Variants in KRTAP10-2 observed in about 807,000 individuals in gnomAD.
KRTAP10-2 encodes keratin-associated protein 10-2.
For missense variants in KRTAP10-2, 295 were observed against 319.5 expected, an observed-to-expected ratio of 0.92 and a Z score of 0.58; for synonymous variants, 134 against 135.5, an observed-to-expected ratio of 0.99 and a Z score of 0.08.
rs782378471 is a variant in KRTAP10-2 at position 44,551,375 on chromosome 21, C to G, written c.84G>C (p.Glu28Asp). The change falls in exon 1 of 1, where the codon GAG becomes GAC. Residue 28 changes from glutamate (E) to aspartate (D), a missense_variant. Transcript: ENST00000391621. ...AGCAGCTGGGGGTGCCGCAGGGGAG[C>G]TCACAGCAGCTCTCTGGGCAGTCGT... is the stretch of plus-strand genomic sequence containing the variant. Reference protein sequence around the residue: ...QVDDCPESCCELPCGTPSCCA... With the variant: ...QVDDCPESCCDLPCGTPSCCA... 5.0e-6 allele frequency: 8 copies of G among 1,613,192 alleles called. No individual in the cohort carries two copies. The highest frequency in any genetic ancestry group is 6.8e-6 in the Non-Finnish European group (8 of 1,179,930).
In KRTAP10-2 at chr21:44,550,747, C is replaced by T. The variant is rs372190068; in HGVS notation, c.712G>A (p.Val238Met). ...CTGCAGGAGGCTGGGCGGGAGCACA[C>T]GGGGCGGCAGAGGAGGGACACAGAG... ...SSSVSLLCRPVCSRPASCSFS... is the reference protein window; with the variant it reads ...SSSVSLLCRPMCSRPASCSFS... The change falls in exon 1 of 1, where the codon GTG (valine) becomes ATG (methionine). Residue 238 changes from valine (V) to methionine (M), a missense_variant. Transcript: ENST00000391621. The T allele has an allele frequency of 3.0e-5, 48 of 1,613,994 alleles. No homozygotes were observed. The highest frequency in any genetic ancestry group is 3.3e-5 in the Non-Finnish European group (39 of 1,180,022).
chr21:44,551,213 C>T lies in KRTAP10-2; in HGVS notation c.246G>A (p.Gln82=). 1 of 1,589,260 alleles carries T rather than the reference C, an allele frequency of 6.3e-7. No homozygotes were observed. Residue 82 remains glutamine, a synonymous_variant, in exon 1 of 1, where the codon CAG becomes CAA. Coordinates refer to ENST00000391621, the MANE Select transcript of KRTAP10-2 (RefSeq NM_198693.4). ...TSSCTPSCCQ[Q]SSCQPACCTS... ...TGCAGCAAGCCGGCTGGCAGCTAGACTGCTGGCAGCACGAGGGCGTGCAGG... is the reference window on the plus strand; with the variant it reads ...TGCAGCAAGCCGGCTGGCAGCTAGATTGCTGGCAGCACGAGGGCGTGCAGG...
chr21:44,551,186 G>A lies in KRTAP10-2; in HGVS notation c.273C>T (p.Thr91=), dbSNP rs781847897. 1.3e-6 allele frequency: 2 copies of A among 1,596,068 alleles called. No homozygotes were observed. Among genetic ancestry groups the A allele is most frequent in the African/African-American group, 1.3e-5 (1 of 74,214 alleles). ...QQSSCQPACC[T]SSPCQQACCV... ...AGCAGGCCTGCTGGCAGGGGGAGGA[G>A]GTGCAGCAAGCCGGCTGGCAGCTAG... The change falls in exon 1 of 1, where the codon ACC becomes ACT. Residue 91 remains threonine (T), a synonymous_variant. Coordinates refer to ENST00000391621, the MANE Select transcript of KRTAP10-2 (RefSeq NM_198693.4).
rs782246773 is a variant in KRTAP10-2, at chr21:44,550,728, G to C, written c.731C>G (p.Ser244Cys). 10 of 1,613,996 alleles carry C rather than the reference G, an allele frequency of 6.2e-6. No individual in the cohort carries two copies. The highest frequency in any genetic ancestry group is 1.7e-6 in the Non-Finnish European group (2 of 1,180,034). Reference sequence around the variant, plus strand: ...CTTTTGGCCTGAGGAAAAGCTGCAGGAGGCTGGGCGGGAGCACACGGGGCG... The same window carrying C: ...CTTTTGGCCTGAGGAAAAGCTGCAGCAGGCTGGGCGGGAGCACACGGGGCG... ...LCRPVCSRPA[S>C]CSFSSGQKSS... Residue 244 changes from serine to cysteine, a missense_variant, in exon 1 of 1, where the codon TCC becomes TGC. Coordinates refer to ENST00000391621, the MANE Select transcript of KRTAP10-2 (RefSeq NM_198693.4).
Position 44,550,901 on chromosome 21 carries a change from G to C in KRTAP10-2, c.558C>G (p.Val186=). ...SPCQQSCCVS[V]CCKPVCCKSI... ...ACTTGCAGCAGACAGGCTTGCAGCA[G>C]ACGGACACACAGCAGGACTGCTGAC... The change falls in exon 1 of 1, where the codon GTC becomes GTG. Residue 186 remains valine (V), a synonymous_variant. Transcript: ENST00000391621. The C allele has an allele frequency of 1.4e-6, 2 of 1,468,892 alleles. No individual in the cohort carries two copies. The highest frequency in any genetic ancestry group is 1.8e-6 in the Non-Finnish European group (2 of 1,086,972). 91.0% of individuals were successfully genotyped at this position (1,468,892 alleles called of 1,614,324 possible). A position where few individuals can be genotyped will look rare whatever the true frequency, so the allele number is the denominator to read the frequency against.
In KRTAP10-2 at chr21:44,551,316, G is replaced by C; in HGVS notation, c.143C>G (p.Thr48Ser). 1 of 1,613,330 alleles carries C rather than the reference G, an allele frequency of 6.2e-7. No homozygotes were observed. The highest frequency in any genetic ancestry group is 1.8e-4 in the Middle Eastern group (1 of 5,512). ...GGGGCTGGACACACAGCTCACTGGG[G>C]TGCAGACCAGGGTCAGGCAGGGGGC... is the stretch of plus-strand genomic sequence containing the variant. ...APAPCLTLVC[T>S]PVSCVSSPCC... The change falls in exon 1 of 1, where the codon ACC (threonine) becomes AGC (serine). Residue 48 changes from threonine (T) to serine (S), a missense_variant. Transcript: ENST00000391621.
chr21:44,550,877 C>T lies in KRTAP10-2; in HGVS notation c.582G>A (p.Lys194=), dbSNP rs782755548. The part of the protein sequence containing the change: ...VSVCCKPVCC[K]SICCVPVCSG... ...AGCAAACAGGTACACAGCAGATGGACTTGCAGCAGACAGGCTTGCAGCAGA... is the reference window on the plus strand; with the variant it reads ...AGCAAACAGGTACACAGCAGATGGATTTGCAGCAGACAGGCTTGCAGCAGA... Residue 194 remains lysine (K), a synonymous_variant, in exon 1 of 1, where the codon AAG becomes AAA. Transcript: ENST00000391621. 3.9e-6 allele frequency: 4 copies of T among 1,027,136 alleles called. No homozygotes were observed. Among genetic ancestry groups the T allele is most frequent in the Non-Finnish European group, 4.0e-6 (3 of 747,418 alleles). 63.6% of individuals were successfully genotyped at this position (1,027,136 alleles called of 1,614,324 possible).
Position 44,551,124 on chromosome 21 carries a change from G to C in KRTAP10-2, c.335C>G (p.Pro112Arg). 6.4e-7 allele frequency: 1 copy of C among 1,562,570 alleles called. No homozygotes were observed. The highest frequency in any genetic ancestry group is 8.7e-7 in the Non-Finnish European group (1 of 1,143,172). The change falls in exon 1 of 1, where the codon CCC becomes CGC. Residue 112 changes from proline (P) to arginine (R), a missense_variant. By Grantham distance (103) the Pro-to-Arg change is moderately radical (BLOSUM62 -2). Transcript: ENST00000391621. ...GCATGAAGAAGCCCCACAGCAGACG[G>C]GCACACAGCACACAGGCTTGCAGCA... ...PVCCKPVCCVPVCCGASSCCQ... is the reference protein window; with the variant it reads ...PVCCKPVCCVRVCCGASSCCQ...
At position 44,551,196 on chromosome 21, in the gene KRTAP10-2, G is replaced by T. The variant is rs199695232; in HGVS notation, c.263C>A (p.Ala88Asp). The change falls in exon 1 of 1, where the codon GCT (alanine) becomes GAT (aspartate). Residue 88 changes from alanine (A) to aspartate (D), a missense_variant. Coordinates refer to ENST00000391621, the MANE Select transcript of KRTAP10-2 (RefSeq NM_198693.4). ...SCCQQSSCQP[A>D]CCTSSPCQQA... ...CTGGCAGGGGGAGGAGGTGCAGCAA[G>T]CCGGCTGGCAGCTAGACTGCTGGCA... The T allele has an allele frequency of 2.3e-4, 370 of 1,587,750 alleles. 5 individuals are homozygous for T. In the East Asian group the frequency reaches 6.0e-3, roughly 26 times the overall value.
chr21:44,550,400 C>T lies in KRTAP10-2; in HGVS notation c.*291G>A, dbSNP rs1457724770. 37 of 589,304 alleles carry T rather than the reference C, an allele frequency of 6.3e-5. No individual in the cohort carries two copies. The highest frequency in any genetic ancestry group is 9.3e-5 in the Non-Finnish European group (30 of 323,994). The allele number at this position is 589,304 out of a possible 1,614,324, so 36.5% of individuals were successfully genotyped here. ...ATTGGTGCTCAGAGGCAGAGGGTGA[C>T]GCTCCTGGGGGTGAGACCCAGGTCA... On this transcript the variant is annotated 3_prime_UTR_variant, in exon 1 of 1. Coordinates refer to ENST00000391621, the MANE Select transcript of KRTAP10-2 (RefSeq NM_198693.4).
chr21:44,551,412 G>C lies in KRTAP10-2; in HGVS notation c.47C>G (p.Ser16Cys), dbSNP rs781806683. 6.2e-6 allele frequency: 10 copies of C among 1,613,296 alleles called. No individual in the cohort carries two copies. The highest frequency in any genetic ancestry group is 7.6e-6 in the Non-Finnish European group (9 of 1,179,928). Residue 16 changes from serine (S) to cysteine (C), a missense_variant, in exon 1 of 1, where the codon TCC becomes TGC. By Grantham distance (112) the Ser-to-Cys change is moderately radical. Coordinates refer to ENST00000391621, the MANE Select transcript of KRTAP10-2 (RefSeq NM_198693.4). ...CTCTGGGCAGTCGTCCACCTGCCAG[G>C]AGTTGGTGCAGGCGCTGGAGCAGAT... Reference protein sequence around the residue: ...MSICSSACTNSWQVDDCPESC... With the variant: ...MSICSSACTNCWQVDDCPESC...
rs233238 is a variant in KRTAP10-2 at position 44,550,835 on chromosome 21, C to G, written c.624G>C (p.Pro208=). 6.2e-7 allele frequency: 1 copy of G among 1,610,120 alleles called. No individual in the cohort carries two copies. The highest frequency in any genetic ancestry group is 8.5e-7 in the Non-Finnish European group (1 of 1,178,642). ...CVPVCSGASS[P]CCQQSSCQPA... ...GCTGGCAGCTAGACTGCTGGCAGCA[C>G]GGAGAGGAAGCCCCAGAGCAAACAG... The change falls in exon 1 of 1, where the codon CCG becomes CCC. Residue 208 remains proline, a synonymous_variant. Transcript: ENST00000391621.
At position 44,550,797 on chromosome 21, in the gene KRTAP10-2, G is replaced by T. The variant is rs2053404453; in HGVS notation, c.662C>A (p.Thr221Asn). The T allele has an allele frequency of 1.2e-6, 2 of 1,612,370 alleles. No homozygotes were observed. Among genetic ancestry groups the T allele is most frequent in the African/African-American group, 1.3e-5 (1 of 74,838 alleles). ...QQSSCQPACCTSSCCRPSSSV... is the reference protein window; with the variant it reads ...QQSSCQPACCNSSCCRPSSSV... Reference sequence around the variant, plus strand: ...GGAGGAGGGTCTGCAGCAGGAGGAGGTGCAGCAAGCTGGCTGGCAGCTAGA... The same window carrying T: ...GGAGGAGGGTCTGCAGCAGGAGGAGTTGCAGCAAGCTGGCTGGCAGCTAGA... The change falls in exon 1 of 1, where the codon ACC becomes AAC. Residue 221 changes from threonine (T) to asparagine (N), a missense_variant. Thr to Asn is a moderately conservative substitution (Grantham distance 65). Transcript: ENST00000391621.
In KRTAP10-2 at chr21:44,550,929, G is replaced by A. The variant is rs2329834; in HGVS notation, c.530C>T (p.Pro177Leu). 994,507 of 1,588,662 alleles carry A rather than the reference G, an allele frequency of 0.63. 309,901 individuals are homozygous for A. Among genetic ancestry groups the A allele is most frequent in the South Asian group, 0.73 (65,159 of 89,426 alleles). ...GGACACACAGCAGGACTGCTGACAC[G>A]GGGAGGAGGTGCAGCAAGCCGGCTG... ...SCQPACCTSS[P>L]CQQSCCVSVC... Residue 177 changes from proline (P) to leucine (L), a missense_variant, in exon 1 of 1, where the codon CCG becomes CTG. Coordinates refer to ENST00000391621, the MANE Select transcript of KRTAP10-2 (RefSeq NM_198693.4).
chr21:44,551,200 G>T lies in KRTAP10-2; in HGVS notation c.259C>A (p.Pro87Thr), dbSNP rs781806951. The change falls in exon 1 of 1, where the codon CCG (proline) becomes ACG (threonine). Residue 87 changes from proline to threonine, a missense_variant. Physicochemically the swap from Pro to Thr is conservative, Grantham distance 38 (BLOSUM62 -1). Transcript: ENST00000391621. ...PSCCQQSSCQ[P>T]ACCTSSPCQQ... ...CAGGGGGAGGAGGTGCAGCAAGCCG[G>T]CTGGCAGCTAGACTGCTGGCAGCAC... 3.2e-6 allele frequency: 5 copies of T among 1,585,338 alleles called. No homozygotes were observed. Among genetic ancestry groups the T allele is most frequent in the Middle Eastern group, 1.7e-4 (1 of 5,982 alleles).
chr21:44,551,469 G>A lies in KRTAP10-2; in HGVS notation c.-11C>T, dbSNP rs587691758. The A allele has an allele frequency of 6.2e-7, 1 of 1,600,646 alleles. No individual in the cohort carries two copies. The highest frequency in any genetic ancestry group is 1.1e-5 in the South Asian group (1 of 87,776). ...GGTGGAGGCGGCCATGCTGGAGTGG[G>A]GAGGAGGTGAGCTGGGGGAGGTGTG... On this transcript the variant is annotated 5_prime_UTR_variant, in exon 1 of 1. Transcript: ENST00000391621.
At position 44,550,447 on chromosome 21, in the gene KRTAP10-2, C is replaced by T. The variant is rs1319682474; in HGVS notation, c.*244G>A. 11 of 676,930 alleles carry T rather than the reference C, an allele frequency of 1.6e-5. No individual in the cohort carries two copies. The highest frequency in any genetic ancestry group is 5.6e-5 in the East Asian group (2 of 35,400). The allele number at this position is 676,930 out of a possible 1,614,324, so 41.9% of individuals were successfully genotyped here. ...GTCAGGAGGGCCCATCCCCAACCAG[C>T]GACCAGCGACCAGCGGAGGGTTGTG... On this transcript the variant is annotated 3_prime_UTR_variant, in exon 1 of 1. Coordinates refer to ENST00000391621, the MANE Select transcript of KRTAP10-2 (RefSeq NM_198693.4).
rs782391999 is a variant in KRTAP10-2, at chr21:44,551,223, C to A, written c.236G>T (p.Cys79Phe). 1 of 1,590,890 alleles carries A rather than the reference C, an allele frequency of 6.3e-7. No individual in the cohort carries two copies. The highest frequency in any genetic ancestry group is 1.1e-5 in the South Asian group (1 of 90,660). The change falls in exon 1 of 1, where the codon TGC (cysteine) becomes TTC (phenylalanine). Residue 79 changes from cysteine (C) to phenylalanine (F), a missense_variant. Cys to Phe is a radical substitution (Grantham distance 205). Coordinates refer to ENST00000391621, the MANE Select transcript of KRTAP10-2 (RefSeq NM_198693.4). ...SGCTSSCTPSCCQQSSCQPAC... is the reference protein window; with the variant it reads ...SGCTSSCTPSFCQQSSCQPAC... Reference sequence around the variant, plus strand: ...CGGCTGGCAGCTAGACTGCTGGCAGCACGAGGGCGTGCAGGAGCTGGTGCA... The same window carrying A: ...CGGCTGGCAGCTAGACTGCTGGCAGAACGAGGGCGTGCAGGAGCTGGTGCA...
Position 44,550,684 on chromosome 21 carries a change from A to G in KRTAP10-2, c.*7T>C, listed in dbSNP as rs782391003. On this transcript the variant is annotated 3_prime_UTR_variant, in exon 1 of 1. Transcript: ENST00000391621. ...CTGAGCCCGGCTGGCCCTGGGGGAC[A>G]TGGCCATCAGCAGCTAGACTTTTGG... 51 of 1,613,170 alleles carry G rather than the reference A, an allele frequency of 3.2e-5. No homozygotes were observed. The East Asian group carries it at 9.8e-4, about 31-fold the overall frequency.
Sources: allele counts gnomAD v4.1 joint callset, GRCh38; gene constraint gnomAD v4.1.1; transcripts MANE v1.5; gene names NCBI Gene and HGNC (gene_info 2026-07-23, HGNC 2026-07-21).